SORCS1: variants seen among roughly 807,000 people sequenced by gnomAD.
SORCS1 encodes VPS10 domain-containing receptor SorCS1.
In SORCS1, 60 loss-of-function variants were observed where a neutral mutation model predicts 146.1. That is an observed-to-expected ratio of 0.41 (90% CI 0.33 to 0.51). The LOEUF is 0.51. Ranked by LOEUF, SORCS1 falls within the 20% of genes least tolerant of loss-of-function variation. The pLI, the probability that SORCS1 is intolerant of heterozygous loss-of-function variation, is 0.21. For missense variants in SORCS1, 1,352 were observed against 1,487.6 expected (o/e 0.91, Z 1.50); for synonymous variants, 637 against 584.0 (o/e 1.09, Z -1.31).
chr10:106,814,804 A>G (rs907562871), intron 3 of SORCS1, among the ~76,000 whole-genome samples: 1 of 147,586 alleles, frequency 6.8e-6, no homozygotes, highest in Non-Finnish European at 1.5e-5. Context: ...AGTCCCAGCT[A>G]CTTGGAAGGC....
chr10:106,914,514 G>A (rs1952318845), intron 2 of SORCS1, among the ~76,000 whole-genome samples: 1 of 152,218 alleles, frequency 6.6e-6, no homozygotes, highest in Non-Finnish European at 1.5e-5. Flanking sequence ...GCAAAATACT[G>A]GACAGAACCA....
rs534008099 is a variant in SORCS1, at chr10:106,987,850, A to C, written c.559-31270T>G. The stretch of plus-strand genomic sequence containing the variant: ...TTCTTAACCCTATTTTAAATAAGAT[A>C]ATAATTTTTATTATATTACAAAATC... On this transcript the variant is annotated intron_variant, in intron 1 of 25. Transcript: ENST00000263054. Among the ~76,000 whole-genome samples, 13 of 152,276 alleles carry C rather than the reference A, an allele frequency of 8.5e-5. No individual in the cohort carries two copies. In the South Asian group the frequency reaches 2.7e-3, roughly 32 times the overall value.
intron 1 of SORCS1, among the ~76,000 whole-genome samples, chr10:107,006,539 C>T (rs11193160): frequency 0.15 from 22,816 of 152,212 alleles, 5,603 homozygotes; most frequent in African/African-American, 0.51. Flanking sequence ...AACTTTCCAC[C>T]GGGCATGGTG....
At chr10:106,980,869 T>C (rs550315449) in intron 1 of SORCS1, among the ~76,000 whole-genome samples, 1 of 152,324 alleles carries the variant, frequency 6.6e-6, no homozygotes, top group African/African-American at 2.4e-5. Context: ...GAATTATAAC[T>C]GTTAACAGGT....
At chr10:107,162,964 A>C (rs1316946598) in intron 1 of SORCS1, among the ~76,000 whole-genome samples, 1 of 152,354 alleles carries the variant, frequency 6.6e-6, no homozygotes, top group East Asian at 1.9e-4. Context: ...ACACTTTAAA[A>C]TCACTTTTAG....
chr10:107,036,333 T>C (rs1044684295), intron 1 of SORCS1, among the ~76,000 whole-genome samples: 1 of 152,232 alleles, frequency 6.6e-6, no homozygotes, highest in Non-Finnish European at 1.5e-5. Flanking sequence ...AGTACACCAT[T>C]TACATAAGGA....
Position 107,127,073 on chromosome 10 carries a change from T to A in SORCS1, c.558+36896A>T, listed in dbSNP as rs547109578. On this transcript the variant is annotated intron_variant, in intron 1 of 25. Transcript: ENST00000263054. ...GAAGTAAATGAGATGCCAACCCCAA[T>A]CTTGTTTGTGGCAGGCTGATTATTC... 9.2e-5 allele frequency among the ~76,000 whole-genome samples: 14 copies of A among 152,078 alleles called. No homozygotes were observed. The East Asian group carries it at 2.1e-3, about 23-fold the overall frequency.
At chr10:107,009,400 ATTTTTT>A (rs1308694921) in intron 1 of SORCS1, among the ~76,000 whole-genome samples, 2 of 152,176 alleles carry the variant, frequency 1.3e-5, no homozygotes, top group Admixed American at 1.3e-4. Context: ...CCAGATTTTT[ATTTTTT>A]AACTGAAGTG....
chr10:106,744,892 G>A (rs1057054519), intron 5 of SORCS1, among the ~76,000 whole-genome samples: 1 of 152,028 alleles, frequency 6.6e-6, no homozygotes, highest in Non-Finnish European at 1.5e-5. Context: ...AGAACTACTG[G>A]GTGAGAACCC....
chr10:106,732,992 A>G (rs11193028), intron 5 of SORCS1, among the ~76,000 whole-genome samples: 64,832 of 150,640 alleles, frequency 0.43, 13,941 homozygotes, highest in African/African-American at 0.46. Flanking sequence ...GGTGGTGTGT[A>G]CCTGTTTCGG....
intron 1 of SORCS1, among the ~76,000 whole-genome samples, chr10:107,041,358 T>C (rs1959144785): frequency 6.8e-6 from 1 of 147,216 alleles, no homozygotes; most frequent in African/African-American, 2.5e-5. Context: ...TATACTTAGA[T>C]AAATGTTGAG....
intron 1 of SORCS1, among the ~76,000 whole-genome samples, chr10:107,028,637 T>C (rs753382400): frequency 6.6e-6 from 1 of 152,212 alleles, no homozygotes; most frequent in Non-Finnish European, 1.5e-5. Flanking sequence ...TGGGCTATAT[T>C]GGTTAAATCC....
intron 9 of SORCS1, among the ~76,000 whole-genome samples, chr10:106,694,320 C>T (rs944802922): frequency 2.3e-4 from 35 of 152,218 alleles, no homozygotes; most frequent in African/African-American, 8.2e-4. Flanking sequence ...CCCAGGCTGG[C>T]ACCATCTCGG....
intron 1 of SORCS1, among the ~76,000 whole-genome samples, chr10:106,999,187 C>T (rs575724677): frequency 6.6e-6 from 1 of 152,120 alleles, no homozygotes; most frequent in African/African-American, 2.4e-5. Context: ...TAAAAACATA[C>T]ACACACGAAC....
chr10:106,630,701 A>G (rs899000833), intron 18 of SORCS1, among the ~76,000 whole-genome samples: 1 of 152,232 alleles, frequency 6.6e-6, no homozygotes, highest in Non-Finnish European at 1.5e-5. Context: ...GTCATCTGTA[A>G]AACGCTACAT....
intron 1 of SORCS1, among the ~76,000 whole-genome samples, chr10:107,007,379 G>A (rs190971845): frequency 3.7e-4 from 57 of 152,238 alleles, no homozygotes; most frequent in African/African-American, 1.3e-3. Flanking sequence ...CCTTAAAACC[G>A]AGCTGCCATG....
At chr10:106,668,607 T>C (rs1024281386) in intron 16 of SORCS1, among the ~76,000 whole-genome samples, 1 of 152,140 alleles carries the variant, frequency 6.6e-6, no homozygotes, top group Non-Finnish European at 1.5e-5. Context: ...TAGTATGAAC[T>C]GGCCCATCTG....
intron 2 of SORCS1, among the ~76,000 whole-genome samples, chr10:106,908,481 G>C (rs1202684985): frequency 6.6e-6 from 1 of 152,090 alleles, no homozygotes; most frequent in African/African-American, 2.4e-5. Flanking sequence ...CCCTTCTCTG[G>C]GCTGGAATGA....
intron 20 of SORCS1, 66 bp from the exon 21 acceptor site, chr10:106,618,338 T>C: frequency 6.3e-7 from 1 of 1,584,746 alleles, no homozygotes; most frequent in Non-Finnish European, 8.6e-7. Flanking sequence ...AGCCACTAAC[T>C]GTGAGCCAAC....
Sources: gnomAD v4.1 joint callset for allele counts (sites outside exome capture counted in the v4.1 genomes callset) on GRCh38, gnomAD v4.1.1 for gene constraint, MANE v1.5 for transcripts, NCBI Gene and HGNC (gene_info 2026-07-23, HGNC 2026-07-21) for gene names.